The following CSMD1 variants were observed in gnomAD, a reference collection of about 807,000 sequenced individuals.
CSMD1 encodes CUB and Sushi multiple domains 1.
CSMD1 carries 213 observed loss-of-function variants against 417.5 expected under a neutral mutation model. The ratio of observed to expected loss-of-function variants is 0.51; its 90% CI spans 0.46 to 0.57. The LOEUF (loss-of-function observed/expected upper bound fraction) is 0.57, where lower values mean the gene tolerates loss of function less well. CSMD1 is among the 20% of genes least tolerant of loss of function. The pLI, the probability that CSMD1 is intolerant of heterozygous loss-of-function variation, is 0.00. For synonymous variants in CSMD1, 2,862 were observed against 1,736.8 expected, an observed-to-expected ratio of 1.65 and a Z score of -16.11; for missense variants, 6,923 against 4,529.7, an observed-to-expected ratio of 1.53 and a Z score of -15.17.
At chr8:4,142,519 G>T (rs1394784021) in intron 3 of CSMD1, among the ~76,000 whole-genome samples, 1 of 151,236 alleles carries the variant, frequency 6.6e-6, no homozygotes, top group Admixed American at 6.6e-5. Flanking sequence ...TGTTCTAGAT[G>T]AATTCTAAGT....
intron 24 of CSMD1, 27 bp downstream of exon 24, chr8:3,308,285 C>G (rs774240284): frequency 4.4e-6 from 7 of 1,574,956 alleles, no homozygotes; most frequent in Non-Finnish European, 6.1e-6. Context: ...GGCTTTTGCA[C>G]AATGGTATGA....
At chr8:3,223,331 C>T (rs1043544315) in intron 28 of CSMD1, among the ~76,000 whole-genome samples, 3 of 152,140 alleles carry the variant, frequency 2.0e-5, no homozygotes, top group Non-Finnish European at 4.4e-5. Flanking sequence ...ATTAGCAGTG[C>T]TACCCTCAGG....
chr8:4,588,708 C>G (rs1476065681), intron 2 of CSMD1, among the ~76,000 whole-genome samples: 1 of 151,586 alleles, frequency 6.6e-6, no homozygotes, highest in African/African-American at 2.4e-5. Context: ...TCGCTTGAAC[C>G]CGGGAGGCAG....
At chr8:4,623,468 C>T (rs914805650) in intron 2 of CSMD1, among the ~76,000 whole-genome samples, 1 of 152,128 alleles carries the variant, frequency 6.6e-6, no homozygotes, top group Non-Finnish European at 1.5e-5. Flanking sequence ...CCCACCCATT[C>T]CACTCTTGAA....
chr8:3,661,179 C>G (rs1798399256), intron 7 of CSMD1, among the ~76,000 whole-genome samples: 2 of 152,186 alleles, frequency 1.3e-5, no homozygotes, highest in Non-Finnish European at 1.5e-5. Flanking sequence ...TGAATTGCAA[C>G]TAACTGAACA....
chr8:4,775,679 A>G (rs1418850432), intron 1 of CSMD1, among the ~76,000 whole-genome samples: 3 of 152,196 alleles, frequency 2.0e-5, no homozygotes, highest in African/African-American at 7.2e-5. Flanking sequence ...AAGAGGAAAG[A>G]CTGCTGGACC....
At chr8:4,753,081 T>A (rs773335467) in intron 1 of CSMD1, among the ~76,000 whole-genome samples, 1 of 152,188 alleles carries the variant, frequency 6.6e-6, no homozygotes, top group African/African-American at 2.4e-5. Context: ...CACACCATCC[T>A]TAAAAGATGG....
At chr8:3,995,077 T>C (rs1316941237) in intron 5 of CSMD1, among the ~76,000 whole-genome samples, 1 of 152,148 alleles carries the variant, frequency 6.6e-6, no homozygotes, top group Non-Finnish European at 1.5e-5. Context: ...AATACACCAA[T>C]TTGATTCATG....
At chr8:4,759,594 G>A (rs941401485) in intron 1 of CSMD1, among the ~76,000 whole-genome samples, 1 of 152,024 alleles carries the variant, frequency 6.6e-6, no homozygotes, top group Non-Finnish European at 1.5e-5. Context: ...GTCCCCATGT[G>A]TGTTGTTCCC....
intron 2 of CSMD1, among the ~76,000 whole-genome samples, chr8:4,537,381 G>C (rs1049569285): frequency 2.0e-5 from 3 of 151,930 alleles, no homozygotes; most frequent in Non-Finnish European, 4.4e-5. Context: ...AATTCTGTAG[G>C]GCAATGTAAT....
At chr8:4,500,354 A>C (rs1005076660) in intron 2 of CSMD1, among the ~76,000 whole-genome samples, 1 of 152,208 alleles carries the variant, frequency 6.6e-6, no homozygotes, top group Admixed American at 6.5e-5. Flanking sequence ...CTAAACATAT[A>C]ATAATAAATT....
At chr8:4,030,678 T>C (rs745946729) in intron 4 of CSMD1, among the ~76,000 whole-genome samples, 2 of 152,228 alleles carry the variant, frequency 1.3e-5, no homozygotes, top group African/African-American at 2.4e-5. Context: ...TTTTGGCTTC[T>C]TGTTACTTAT....
chr8:4,771,701 G>A (rs571510241), intron 1 of CSMD1, among the ~76,000 whole-genome samples: 11 of 152,324 alleles, frequency 7.2e-5, no homozygotes, highest in Admixed American at 3.3e-4. Flanking sequence ...TGTCCCCTGT[G>A]TCCAGCATGT....
At chr8:4,030,319 A>G (rs1009076731) in intron 4 of CSMD1, among the ~76,000 whole-genome samples, 1 of 152,210 alleles carries the variant, frequency 6.6e-6, no homozygotes, top group East Asian at 1.9e-4. Flanking sequence ...TTCTATCTGG[A>G]CATCTAGGAA....
rs139099137 is a variant in CSMD1 at position 4,035,668 on chromosome 8, A to G, written c.416-3569T>C. Among the ~76,000 whole-genome samples the G allele has an allele frequency of 2.7e-3, 413 of 152,366 alleles. 5 individuals carry two copies. Among genetic ancestry groups the G allele is most frequent in the Middle Eastern group, 0.024 (7 of 294 alleles). On this transcript the variant is annotated intron_variant, in intron 3 of 69. Transcript: ENST00000635120. The stretch of plus-strand genomic sequence containing the variant: ...GACAAACTCTTATGAATAACAATAT[A>G]AATGTTTTGCACAACTGTGCAAGGT...
intron 16 of CSMD1, among the ~76,000 whole-genome samples, chr8:3,398,676 G>T (rs543110522): frequency 8.8e-4 from 134 of 152,222 alleles, no homozygotes; most frequent in African/African-American, 3.0e-3. Context: ...TTTCAACAAA[G>T]ATGCCTCCCT....
chr8:4,962,149 C>T (rs1471155004), intron 1 of CSMD1, among the ~76,000 whole-genome samples: 1 of 149,334 alleles, frequency 6.7e-6, no homozygotes, highest in Non-Finnish European at 1.5e-5. Context: ...TACAACTATC[C>T]AGTGAAACAC....
intron 11 of CSMD1, among the ~76,000 whole-genome samples, chr8:3,473,130 A>G (rs917299250): frequency 2.0e-5 from 3 of 152,200 alleles, no homozygotes; most frequent in South Asian, 2.1e-4. Context: ...TGTCTATTCA[A>G]CTACTTTAGA....
chr8:4,579,419 C>T (rs1029350884), intron 2 of CSMD1, among the ~76,000 whole-genome samples: 10 of 151,912 alleles, frequency 6.6e-5, no homozygotes, highest in African/African-American at 9.7e-5. Context: ...TGTACAATGG[C>T]GTGATCTCAG....
Sources: gnomAD v4.1 joint callset for allele counts (sites outside exome capture counted in the v4.1 genomes callset) on GRCh38, gnomAD v4.1.1 for gene constraint, MANE v1.5 for transcripts, NCBI Gene and HGNC (gene_info 2026-07-23, HGNC 2026-07-21) for gene names.